THSD7B: variants seen among roughly 807,000 people sequenced by gnomAD.
THSD7B encodes thrombospondin type 1 domain containing 7B, also known as thrombospondin type-1 domain-containing protein 7B.
THSD7B carries 138 observed loss-of-function variants against 213.6 expected under a neutral mutation model. That is an observed-to-expected ratio of 0.65 (90% CI 0.56 to 0.74). THSD7B has a LOEUF of 0.74. THSD7B is among the 30% of genes least tolerant of loss of function. The pLI is 0.00. For missense variants in THSD7B, 1,931 were observed against 1,991.5 expected, an observed-to-expected ratio of 0.97 and a Z score of 0.58; for synonymous variants, 742 against 687.0, an observed-to-expected ratio of 1.08 and a Z score of -1.25.
rs192219821 is a variant in THSD7B, at chr2:136,961,540, G to A, written c.139+79223G>A. On this transcript the variant is annotated intron_variant, in intron 2 of 27. Transcript: ENST00000409968. ...CAGCCTGTATTTTTCAATATAAATCGTAAACCTGTGAGGAGATGGCCATGA... is the reference window on the plus strand; with the variant it reads ...CAGCCTGTATTTTTCAATATAAATCATAAACCTGTGAGGAGATGGCCATGA... 6.6e-5 allele frequency among the ~76,000 whole-genome samples: 10 copies of A among 152,138 alleles called. 1 individual carries two copies. Among genetic ancestry groups the A allele is most frequent in the South Asian group, 6.2e-4 (3 of 4,820 alleles).
chr2:136,997,769 A>C (rs1349473145), intron 2 of THSD7B, among the ~76,000 whole-genome samples: 3 of 152,118 alleles, frequency 2.0e-5, no homozygotes, highest in Non-Finnish European at 2.9e-5. Flanking sequence ...AGTCTGGTTG[A>C]TTTATGTCAT....
At chr2:136,935,548 A>G (rs1233978013) in intron 2 of THSD7B, among the ~76,000 whole-genome samples, 1 of 152,216 alleles carries the variant, frequency 6.6e-6, no homozygotes, top group East Asian at 1.9e-4. Context: ...TGATGTATCA[A>G]CACAATGGGT....
intron 12 of THSD7B, among the ~76,000 whole-genome samples, chr2:137,348,703 C>CTTTTTTTTTTTTT (rs80150345): frequency 1.5e-3 from 168 of 110,888 alleles, no homozygotes; most frequent in Non-Finnish European, 1.9e-3. Context: ...CTATGAACTC[C>CTTTTTTTTTTTTT]TTTTTTTTTT....
At chr2:137,119,260 A>T (rs897999962) in intron 5 of THSD7B, among the ~76,000 whole-genome samples, 2 of 146,526 alleles carry the variant, frequency 1.4e-5, no homozygotes, top group Middle Eastern at 3.3e-3. Flanking sequence ...TTACATGACA[A>T]TCAAACATTT....
chr2:137,601,127 A>C (rs1682069212), intron 17 of THSD7B, among the ~76,000 whole-genome samples: 1 of 152,230 alleles, frequency 6.6e-6, no homozygotes, highest in South Asian at 2.1e-4. Flanking sequence ...AAAAGTTTAT[A>C]AAATAAAAAA....
At chr2:137,510,991 C>T (rs1314619409) in intron 15 of THSD7B, among the ~76,000 whole-genome samples, 5 of 152,028 alleles carry the variant, frequency 3.3e-5, no homozygotes, top group African/African-American at 1.2e-4. Flanking sequence ...AAGGTGTTGC[C>T]CATTTTAGTT....
intron 12 of THSD7B, among the ~76,000 whole-genome samples, chr2:137,339,933 A>G (rs1339892018): frequency 2.0e-5 from 3 of 150,174 alleles, no homozygotes; most frequent in Non-Finnish European, 3.0e-5. Flanking sequence ...CTCCTTATGT[A>G]TGTTTGCAGG....
chr2:136,826,159 T>C (rs989826933), intron 1 of THSD7B, among the ~76,000 whole-genome samples: 11 of 83,952 alleles, frequency 1.3e-4, no homozygotes, highest in Admixed American at 9.9e-4. Flanking sequence ...TTCCAAAATA[T>C]AAAATAGTTA....
At chr2:137,159,193 A>T (rs1050510059) in intron 5 of THSD7B, among the ~76,000 whole-genome samples, 2 of 152,004 alleles carry the variant, frequency 1.3e-5, no homozygotes, top group African/African-American at 2.4e-5. Flanking sequence ...GCACTTTGGG[A>T]GGCTGATGAA....
At chr2:136,895,540 T>TTTTTC (rs1553456267) in intron 2 of THSD7B, among the ~76,000 whole-genome samples, 9 of 144,306 alleles carry the variant, frequency 6.2e-5, no homozygotes, top group African/African-American at 1.1e-4. Context: ...TTTTTTTTTT[T>TTTTTC]ACAGAATTCC....
At chr2:136,874,498 C>T (rs760601830) in intron 1 of THSD7B, among the ~76,000 whole-genome samples, 5 of 152,194 alleles carry the variant, frequency 3.3e-5, no homozygotes, top group Non-Finnish European at 5.9e-5. Flanking sequence ...TGTGCATAAT[C>T]ACAGTTTCCT....
At chr2:137,112,263 T>A (rs1237098016) in intron 4 of THSD7B, among the ~76,000 whole-genome samples, 1 of 152,120 alleles carries the variant, frequency 6.6e-6, no homozygotes, top group Non-Finnish European at 1.5e-5. Flanking sequence ...GAGCAAAGAC[T>A]ATGAAAAGAC....
chr2:137,222,329 C>A (rs944457648), intron 7 of THSD7B, among the ~76,000 whole-genome samples: 5 of 152,224 alleles, frequency 3.3e-5, no homozygotes, highest in Admixed American at 1.3e-4. Context: ...GAAATCCAGA[C>A]GTCCCAACTA....
intron 1 of THSD7B, among the ~76,000 whole-genome samples, chr2:136,848,193 C>T (rs529835064): frequency 6.6e-6 from 1 of 152,302 alleles, no homozygotes; most frequent in South Asian, 2.1e-4. Context: ...GTGGTCAGAG[C>T]ACTACAGATA....
intron 15 of THSD7B, among the ~76,000 whole-genome samples, chr2:137,459,945 A>C (rs1350472920): frequency 1.3e-5 from 2 of 152,140 alleles, no homozygotes; most frequent in Non-Finnish European, 2.9e-5. Flanking sequence ...TGTGAATACT[A>C]CCAGGGTTAA....
rs377406339 is a variant in THSD7B, at chr2:137,057,146, A to G, written c.866A>G (p.His289Arg). The change falls in exon 3 of 28, where the codon CAT becomes CGT. Residue 289 changes from histidine (H) to arginine (R), a missense_variant. By Grantham distance (29) the His-to-Arg change is conservative (BLOSUM62 0). Coordinates refer to ENST00000409968, the MANE Select transcript of THSD7B (RefSeq NM_001316349.2). ...CATCAAAGTTACAAAGCACATCATC[A>G]TTCGAAGTCTTGGGCAATAGAGATA... is the stretch of plus-strand genomic sequence containing the variant. ...FKHQSYKAHH[H>R]SKSWAIEIGY... 7.4e-6 allele frequency: 12 copies of G among 1,613,990 alleles called. No homozygotes were observed. Among genetic ancestry groups the G allele is most frequent in the South Asian group, 1.1e-5 (1 of 91,082 alleles).
chr2:137,395,542 A>C (rs1465138998), intron 12 of THSD7B, among the ~76,000 whole-genome samples: 1 of 151,772 alleles, frequency 6.6e-6, no homozygotes, highest in Non-Finnish European at 1.5e-5. Flanking sequence ...AAGCTTTTTG[A>C]TGTGCTGCTG....
chr2:137,298,328 A>G (rs953974061), intron 12 of THSD7B, among the ~76,000 whole-genome samples: 2 of 152,180 alleles, frequency 1.3e-5, no homozygotes, highest in Non-Finnish European at 2.9e-5. Flanking sequence ...AAAGCATTCA[A>G]GAGGTGACTT....
chr2:137,152,166 G>A (rs1246629589), intron 5 of THSD7B, among the ~76,000 whole-genome samples: 1 of 151,968 alleles, frequency 6.6e-6, no homozygotes, highest in Non-Finnish European at 1.5e-5. Flanking sequence ...CCTCTCTCAA[G>A]CCTTTGGAAA....
Sources: allele counts gnomAD v4.1 joint callset (sites outside exome capture counted in the v4.1 genomes callset), GRCh38; gene constraint gnomAD v4.1.1; transcripts MANE v1.5; gene names NCBI Gene and HGNC (gene_info 2026-07-23, HGNC 2026-07-21).